Variants in RAPGEF6 observed in about 807,000 individuals in gnomAD.
RAPGEF6 encodes the protein Rap guanine nucleotide exchange factor 6.
A neutral mutation model predicts 171.4 loss-of-function variants in RAPGEF6; 56 were observed. The ratio of observed to expected loss-of-function variants is 0.33; its 90% CI spans 0.26 to 0.41. RAPGEF6 has a LOEUF of 0.41. Among genes scored for constraint, RAPGEF6 ranks in the 10% least tolerant of loss-of-function variants. The pLI is 1.00. For synonymous variants in RAPGEF6, 692 were observed against 650.1 expected, an observed-to-expected ratio of 1.06 and a Z score of -0.98; for missense variants, 1,674 against 1,921.4, an observed-to-expected ratio of 0.87 and a Z score of 2.41.
intron 6 of RAPGEF6, among the ~76,000 whole-genome samples, chr5:131,528,824 G>A (rs550146231): frequency 3.0e-4 from 46 of 152,260 alleles, no homozygotes; most frequent in Non-Finnish European, 4.7e-4. Context: ...GGTAGGTCAT[G>A]GTGAGGACTT....
chr5:131,544,165 A>G (rs926171033), intron 6 of RAPGEF6, among the ~76,000 whole-genome samples: 1 of 152,210 alleles, frequency 6.6e-6, no homozygotes, highest in East Asian at 1.9e-4. Context: ...AGTTAAGCAT[A>G]CATTTGCCAT....
chr5:131,631,321 T>C (rs1171000045), intron 1 of RAPGEF6, among the ~76,000 whole-genome samples: 1 of 152,204 alleles, frequency 6.6e-6, no homozygotes, highest in Non-Finnish European at 1.5e-5. Context: ...AACCTACTCC[T>C]CCTGCAGCTT....
At chr5:131,507,687 G>T (rs1359534546) in intron 9 of RAPGEF6, among the ~76,000 whole-genome samples, 1 of 151,670 alleles carries the variant, frequency 6.6e-6, no homozygotes, top group Non-Finnish European at 1.5e-5. Flanking sequence ...TAGAAATAAG[G>T]AATAAGAAAA....
At chr5:131,548,219 A>C in intron 5 of RAPGEF6, 29 bp from the exon 6 acceptor site, 1 of 1,608,430 alleles carries the variant, frequency 6.2e-7, no homozygotes, top group Non-Finnish European at 8.5e-7. Flanking sequence ...TTCCTGATGA[A>C]ATATCAAATT....
Position 131,484,076 on chromosome 5 carries a change from A to T in RAPGEF6, c.1841-4323T>A, listed in dbSNP as rs188067875. The stretch of plus-strand genomic sequence containing the variant: ...GTGCTACTGCACTCCAGCCTGGGCA[A>T]CAGAGCGAGACTCCATCTCAAAAAA... On this transcript the variant is annotated intron_variant, in intron 15 of 27. Coordinates refer to ENST00000509018, the MANE Select transcript of RAPGEF6 (RefSeq NM_016340.6). Among the ~76,000 whole-genome samples the T allele has an allele frequency of 4.0e-3, 594 of 147,282 alleles. 8 individuals are homozygous for T. Among genetic ancestry groups the T allele is most frequent in the African/African-American group, 0.014 (558 of 40,010 alleles).
intron 16 of RAPGEF6, among the ~76,000 whole-genome samples, chr5:131,474,962 A>G (rs1755000268): frequency 6.6e-6 from 1 of 152,234 alleles, no homozygotes; most frequent in Non-Finnish European, 1.5e-5. Flanking sequence ...ATTAAAGGGA[A>G]TTAACTGCAT....
chr5:131,528,011 T>G (rs1212806450), intron 6 of RAPGEF6, among the ~76,000 whole-genome samples: 1 of 141,028 alleles, frequency 7.1e-6, no homozygotes, highest in Non-Finnish European at 1.5e-5. Flanking sequence ...TGAGACTCCG[T>G]GTCAAAAAAT....
At chr5:131,634,243 A>C (rs757591824) in intron 1 of RAPGEF6, among the ~76,000 whole-genome samples, 1 of 152,248 alleles carries the variant, frequency 6.6e-6, no homozygotes, top group Non-Finnish European at 1.5e-5. Context: ...AATCAAGGAA[A>C]ACCTTCCCCA....
At chr5:131,506,461 T>G (rs764667401) in intron 9 of RAPGEF6, among the ~76,000 whole-genome samples, 9 of 152,198 alleles carry the variant, frequency 5.9e-5, no homozygotes, top group Non-Finnish European at 1.0e-4. Context: ...ATCTACTATA[T>G]ATCAGTGAAA....
intron 17 of RAPGEF6, among the ~76,000 whole-genome samples, chr5:131,468,318 C>A (rs1290465348): frequency 2.4e-5 from 3 of 123,338 alleles, no homozygotes; most frequent in Non-Finnish European, 4.8e-5. Flanking sequence ...GGTGACAAAG[C>A]GAGACTCCAT....
chr5:131,439,493 T>C (rs1752239522), intron 24 of RAPGEF6, 88 bp downstream of exon 24: 1 of 1,465,364 alleles, frequency 6.8e-7, no homozygotes, highest in African/African-American at 1.4e-5. Flanking sequence ...TAATGATTTA[T>C]AATTATTGCT....
chr5:131,459,519 C>G (rs998793564), intron 19 of RAPGEF6, among the ~76,000 whole-genome samples: 1 of 151,890 alleles, frequency 6.6e-6, no homozygotes, highest in South Asian at 2.1e-4. Flanking sequence ...GAAACTCCAG[C>G]AGGAAAAAAA....
intron 1 of RAPGEF6, among the ~76,000 whole-genome samples, chr5:131,630,723 G>C (rs1217112259): frequency 1.3e-5 from 2 of 152,130 alleles, no homozygotes; most frequent in Non-Finnish European, 2.9e-5. Flanking sequence ...TGCCTGAGTT[G>C]ATAGTTTCAC....
At chr5:131,472,273 A>G (rs538202110) in intron 17 of RAPGEF6, 5 of 354,324 alleles carry the variant, frequency 1.4e-5, no homozygotes, top group South Asian at 4.5e-5. Context: ...GTGTTTCACC[A>G]TGTTAGCCAG....
intron 4 of RAPGEF6, among the ~76,000 whole-genome samples, chr5:131,585,005 A>C (rs1763161358): frequency 1.3e-5 from 2 of 152,232 alleles, no homozygotes; most frequent in African/African-American, 4.8e-5. Flanking sequence ...ATACTTTATT[A>C]AAGAAAAAAC....
intron 15 of RAPGEF6, among the ~76,000 whole-genome samples, chr5:131,481,178 G>A (rs944150107): frequency 6.6e-6 from 1 of 151,734 alleles, no homozygotes; most frequent in Admixed American, 6.6e-5. Flanking sequence ...ACCTGCCTCG[G>A]CCTCCCAAAG....
chr5:131,504,707 C>G lies in RAPGEF6; in HGVS notation c.1173G>C (p.Glu391Asp). ...GTACCATAACAATTTCTCCCTCTTC[C>G]TCAACTTTATGGGTATTTTTTTCCA... ...NHVEKNTHKVEEEGEIVMVHE... is the reference protein window; with the variant it reads ...NHVEKNTHKVDEEGEIVMVHE... Residue 391 changes from glutamate (E) to aspartate (D), a missense_variant, in exon 11 of 28, where the codon GAG becomes GAC. By Grantham distance (45) the Glu-to-Asp change is conservative. Coordinates refer to ENST00000509018, the MANE Select transcript of RAPGEF6 (RefSeq NM_016340.6). 1 of 1,614,020 alleles carries G rather than the reference C, an allele frequency of 6.2e-7. No individual in the cohort carries two copies.
intron 6 of RAPGEF6, among the ~76,000 whole-genome samples, chr5:131,545,313 T>C (rs1054231925): frequency 6.6e-6 from 1 of 152,114 alleles, no homozygotes; most frequent in Non-Finnish European, 1.5e-5. Context: ...AGTTGGGTAC[T>C]AAAGAATAAT....
At chr5:131,463,720 T>G in intron 18 of RAPGEF6, 2 of 989,448 alleles carry the variant, frequency 2.0e-6, no homozygotes, top group Non-Finnish European at 2.4e-6. Flanking sequence ...GAAAAAGAAC[T>G]GTGAAAACCA....
Sources: allele counts gnomAD v4.1 joint callset (sites outside exome capture counted in the v4.1 genomes callset), GRCh38; gene constraint gnomAD v4.1.1; transcripts MANE v1.5; gene names NCBI Gene and HGNC (gene_info 2026-07-23, HGNC 2026-07-21).